The following NCOA6 variants were observed in gnomAD, a reference collection of about 807,000 sequenced individuals.
NCOA6 encodes the protein nuclear receptor coactivator 6, also known as NRC RAP250.
In NCOA6, 49 loss-of-function variants were observed where a neutral mutation model predicts 171.4. That is an observed-to-expected ratio of 0.29 (90% confidence interval 0.23 to 0.36). NCOA6 has a LOEUF of 0.36. Ranked by LOEUF, NCOA6 falls within the 10% of genes least tolerant of loss-of-function variation. The pLI, the probability that NCOA6 is intolerant of heterozygous loss-of-function variation, is 1.00. For missense variants in NCOA6, 2,248 were observed against 2,554.5 expected (o/e 0.88, Z 2.59); for synonymous variants, 910 against 927.5 (o/e 0.98, Z 0.34).
At chr20:34,727,006 CA>C (rs1166535239) in intron 14 of NCOA6, among the ~76,000 whole-genome samples, 4 of 152,144 alleles carry the variant, frequency 2.6e-5, no homozygotes, top group African/African-American at 9.7e-5. Context: ...ACCCAAAACC[CA>C]AAAACCAGTG....
intron 10 of NCOA6, 52 bp downstream of exon 10, chr20:34,746,755 T>G: frequency 6.6e-7 from 1 of 1,505,344 alleles, no homozygotes; most frequent in Non-Finnish European, 9.0e-7. Flanking sequence ...GGAAGCCTTG[T>G]AATGCCACAT....
At chr20:34,732,738 C>T in intron 12 of NCOA6, 143 bp from the exon 13 acceptor site, 1 of 615,202 alleles carries the variant, frequency 1.6e-6, no homozygotes, top group Non-Finnish European at 2.8e-6. Context: ...GGTATGGAGA[C>T]AAAGCTGGCA....
chr20:34,766,328 T>C (rs1375320683), intron 5 of NCOA6, among the ~76,000 whole-genome samples: 4 of 152,144 alleles, frequency 2.6e-5, no homozygotes, highest in African/African-American at 9.7e-5. Flanking sequence ...AGCACTATAA[T>C]TGGCTGGGTA....
chr20:34,801,636 T>G (rs1034604067), intron 1 of NCOA6, among the ~76,000 whole-genome samples: 1 of 152,110 alleles, frequency 6.6e-6, no homozygotes, highest in Non-Finnish European at 1.5e-5. Context: ...AGATTAACCA[T>G]GAAAAAATCC....
rs2076113614 is a variant in NCOA6 at position 34,740,736 on chromosome 20, C to G, written c.5520G>C (p.Glu1840Asp). Residue 1840 changes from glutamate to aspartate, a missense_variant, in exon 11 of 15, where the codon GAG becomes GAC. Coordinates refer to ENST00000359003, the MANE Select transcript of NCOA6 (RefSeq NM_014071.5). Reference sequence around the variant, plus strand: ...CTGCACCATATTGTTCTTCCCCTTTCTCAAGAGAGCCTGTAACTTTCTTAC... The same window carrying G: ...CTGCACCATATTGTTCTTCCCCTTTGTCAAGAGAGCCTGTAACTTTCTTAC... ...KACKKVTGSL[E>D]KGEEQYGADG... The G allele has an allele frequency of 1.2e-6, 2 of 1,614,134 alleles. No individual in the cohort carries two copies. Among genetic ancestry groups the G allele is most frequent in the Non-Finnish European group, 1.7e-6 (2 of 1,180,052 alleles).
chr20:34,723,188 C>T (rs539881398), intron 14 of NCOA6, among the ~76,000 whole-genome samples: 30 of 152,290 alleles, frequency 2.0e-4, no homozygotes, highest in African/African-American at 6.3e-4. Context: ...GGGGCTTGCA[C>T]CTGGCATTGG....
intron 14 of NCOA6, among the ~76,000 whole-genome samples, chr20:34,715,761 TTC>T (rs1350632937): frequency 4.6e-5 from 7 of 152,308 alleles, no homozygotes; most frequent in Non-Finnish European, 8.8e-5. Flanking sequence ...AATGAGTAAA[TTC>T]TGTTAGAATG....
intron 5 of NCOA6, among the ~76,000 whole-genome samples, chr20:34,765,178 C>T (rs553523534): frequency 1.3e-5 from 2 of 149,036 alleles, no homozygotes; most frequent in East Asian, 4.0e-4. Flanking sequence ...TTTGGCTGGG[C>T]GCGATGGCTC....
At chr20:34,774,200 C>G (rs114302005) in intron 4 of NCOA6, among the ~76,000 whole-genome samples, 2,070 of 152,230 alleles carry the variant, frequency 0.014, 44 homozygotes, top group African/African-American at 0.048. Context: ...AAATAGGTAA[C>G]AGAGACCAAA....
chr20:34,790,204 T>C (rs748156583), intron 2 of NCOA6, among the ~76,000 whole-genome samples: 2 of 151,916 alleles, frequency 1.3e-5, no homozygotes, highest in South Asian at 2.1e-4. Context: ...TAGATACATA[T>C]AGATAGAATA....
rs147990465 is a variant in NCOA6, at chr20:34,749,552, C to G, written c.2643G>C (p.Thr881=). 7 of 1,614,192 alleles carry G rather than the reference C, an allele frequency of 4.3e-6. No homozygotes were observed. The African/African-American group carries it at 5.3e-5, about 12-fold the overall frequency. Residue 881 remains threonine, a synonymous_variant, in exon 9 of 15, where the codon ACG becomes ACC. Transcript: ENST00000359003. ...AGTTGACCAACAATGGGCTCGTTAG[C>G]GTGACATCCTTATTGACTGGGAAGC... ...NPGFPVNKDV[T]LTSPLLVNLL...
At chr20:34,735,821 C>T (rs1487523061) in intron 12 of NCOA6, among the ~76,000 whole-genome samples, 2 of 152,128 alleles carry the variant, frequency 1.3e-5, no homozygotes, top group Non-Finnish European at 2.9e-5. Flanking sequence ...CTATACCTTA[C>T]TTTTACTGGC....
intron 13 of NCOA6, among the ~76,000 whole-genome samples, chr20:34,727,711 ATTTTCTTTTC>A: frequency 6.7e-6 from 1 of 148,772 alleles, no homozygotes; most frequent in South Asian, 2.1e-4. Flanking sequence ...TTCCTCACCC[ATTTTCTTTTC>A]TTTTCTTTTT....
In NCOA6 at chr20:34,742,803, A is replaced by G. The variant is rs371798205; in HGVS notation, c.3453T>C (p.Pro1151=). 3 of 1,613,972 alleles carry G rather than the reference A, an allele frequency of 1.9e-6. No individual in the cohort carries two copies. The highest frequency in any genetic ancestry group is 2.5e-6 in the Non-Finnish European group (3 of 1,180,002). Residue 1151 remains proline, a synonymous_variant, in exon 11 of 15, where the codon CCT becomes CCC. Transcript: ENST00000359003. The part of the protein sequence containing the change: ...PSVPGGPNNM[P]SHVVLPQNQL... Reference sequence around the variant, plus strand: ...GATTCTGGGGAAGTACTACATGTGAAGGCATGTTGTTTGGGCCTCCTGGGA... The same window carrying G: ...GATTCTGGGGAAGTACTACATGTGAGGGCATGTTGTTTGGGCCTCCTGGGA...
chr20:34,790,381 G>A (rs915334259), intron 2 of NCOA6, among the ~76,000 whole-genome samples: 16 of 151,934 alleles, frequency 1.1e-4, no homozygotes, highest in Non-Finnish European at 1.2e-4. Context: ...TTGAGATGGA[G>A]TCTCGCTGTG....
intron 1 of NCOA6, among the ~76,000 whole-genome samples, chr20:34,804,343 A>G (rs2078370343): frequency 1.3e-5 from 2 of 151,872 alleles, no homozygotes; most frequent in Admixed American, 1.3e-4. Context: ...TCATAAATAA[A>G]TAAATAAATA....
chr20:34,818,199 G>A (rs140230378), intron 1 of NCOA6, among the ~76,000 whole-genome samples: 1 of 152,286 alleles, frequency 6.6e-6, no homozygotes, highest in African/African-American at 2.4e-5. Context: ...TGCAAAAAAT[G>A]TGAGCCATTG....
chr20:34,743,936 A>C (rs747656816), intron 10 of NCOA6, among the ~76,000 whole-genome samples: 1 of 152,240 alleles, frequency 6.6e-6, no homozygotes, highest in Non-Finnish European at 1.5e-5. Flanking sequence ...AATTATTCCA[A>C]TTCATTGGCT....
At chr20:34,777,384 G>C (rs2077362750) in intron 3 of NCOA6, among the ~76,000 whole-genome samples, 1 of 152,104 alleles carries the variant, frequency 6.6e-6, no homozygotes. Flanking sequence ...GGAGGCTGAG[G>C]CTGGTGGATC....
Sources: allele counts gnomAD v4.1 joint callset (sites outside exome capture counted in the v4.1 genomes callset), GRCh38; gene constraint gnomAD v4.1.1; transcripts MANE v1.5; gene names NCBI Gene and HGNC (gene_info 2026-07-23, HGNC 2026-07-21).